ARB2A: variants seen among roughly 807,000 people sequenced by gnomAD.
ARB2A encodes the protein cotranscriptional regulator ARB2A.
chr5:93,801,655 C>T, the ARB2A span, among the ~76,000 whole-genome samples: 1 of 152,048 alleles, frequency 6.6e-6, no homozygotes, highest in Non-Finnish European at 1.5e-5. Context: ...GGAATGTGCA[C>T]ATGTGAGGGC....
the ARB2A span, among the ~76,000 whole-genome samples, chr5:93,642,955 A>G: frequency 6.6e-6 from 1 of 152,176 alleles, no homozygotes; most frequent in Admixed American, 6.5e-5. Flanking sequence ...CACAACACTA[A>G]AAAGCATATC....
the ARB2A span, among the ~76,000 whole-genome samples, chr5:93,990,824 CA>C: frequency 6.6e-6 from 1 of 151,816 alleles, no homozygotes; most frequent in Non-Finnish European, 1.5e-5. Context: ...AGAAGGAAAA[CA>C]AAGGAGATAA....
chr5:93,777,678 T>A, the ARB2A span, among the ~76,000 whole-genome samples: 1 of 152,166 alleles, frequency 6.6e-6, no homozygotes, highest in Admixed American at 6.5e-5. Context: ...TATTTTTAGA[T>A]GCTTGCTTCC....
the ARB2A span, among the ~76,000 whole-genome samples, chr5:94,046,818 C>T: frequency 2.0e-5 from 3 of 152,158 alleles, no homozygotes; most frequent in African/African-American, 7.2e-5. Flanking sequence ...AAGACAGGTC[C>T]ACAGATGCAT....
chr5:93,695,673 T>C, the ARB2A span, among the ~76,000 whole-genome samples: 1 of 152,134 alleles, frequency 6.6e-6, no homozygotes, highest in Admixed American at 6.5e-5. Context: ...GACCCAGCAA[T>C]CTCATTACTG....
the ARB2A span, among the ~76,000 whole-genome samples, chr5:93,776,912 C>A: frequency 6.6e-6 from 1 of 151,872 alleles, no homozygotes; most frequent in African/African-American, 2.4e-5. Context: ...AAAAAGTATC[C>A]ATTTTTGACT....
chr5:93,644,693 A>G, the ARB2A span, among the ~76,000 whole-genome samples: 1 of 152,192 alleles, frequency 6.6e-6, no homozygotes, highest in South Asian at 2.1e-4. Flanking sequence ...TTTTAGAGAC[A>G]GAGAAAACCT....
chr5:93,852,633 T>A, the ARB2A span, among the ~76,000 whole-genome samples: 38 of 151,916 alleles, frequency 2.5e-4, no homozygotes, highest in East Asian at 2.5e-3. Flanking sequence ...ATTTTTGTAT[T>A]AGGTGTAAGG....
At chr5:94,003,219 A>G in the ARB2A span, among the ~76,000 whole-genome samples, 1 of 152,166 alleles carries the variant, frequency 6.6e-6, no homozygotes, top group Non-Finnish European at 1.5e-5. Context: ...AATTTGATAG[A>G]GTATCAACAA....
At chr5:93,779,090 AGT>A in the ARB2A span, among the ~76,000 whole-genome samples, 2,104 of 143,354 alleles carry the variant, frequency 0.015, 30 homozygotes, top group East Asian at 0.049. Context: ...GTCATTTCAG[AGT>A]GTGTGTGTGT....
At chr5:93,820,722 C>T in the ARB2A span, among the ~76,000 whole-genome samples, 2 of 152,090 alleles carry the variant, frequency 1.3e-5, no homozygotes, top group Non-Finnish European at 2.9e-5. Flanking sequence ...AGATATATTA[C>T]TTTTAAAAGT....
chr5:93,899,139 T>C, the ARB2A span, among the ~76,000 whole-genome samples: 1 of 152,062 alleles, frequency 6.6e-6, no homozygotes, highest in African/African-American at 2.4e-5. Context: ...CCATAGCACA[T>C]ATATATAGAT....
At chr5:93,821,881 C>A in the ARB2A span, among the ~76,000 whole-genome samples, 38 of 147,998 alleles carry the variant, frequency 2.6e-4, no homozygotes, top group African/African-American at 8.9e-4. Context: ...TACATACCCC[C>A]AAATCAAAGT....
At chr5:93,968,253 CAG>C in the ARB2A span, among the ~76,000 whole-genome samples, 1 of 152,026 alleles carries the variant, frequency 6.6e-6, no homozygotes, top group Non-Finnish European at 1.5e-5. Flanking sequence ...TCAGATATAG[CAG>C]AGATAGTGGA....
the ARB2A span, among the ~76,000 whole-genome samples, chr5:93,719,199 T>C: frequency 6.6e-6 from 1 of 152,242 alleles, no homozygotes; most frequent in African/African-American, 2.4e-5. Flanking sequence ...TCCTGAGTTT[T>C]CTACCATGGC....
At chr5:93,843,440 GA>G in the ARB2A span, among the ~76,000 whole-genome samples, 3 of 45,496 alleles carry the variant, frequency 6.6e-5, no homozygotes, top group Admixed American at 7.4e-4. Flanking sequence ...TTTTTTTTTT[GA>G]GACAGGGTCT....
the ARB2A span, among the ~76,000 whole-genome samples, chr5:93,753,262 G>A: frequency 6.6e-6 from 1 of 152,152 alleles, no homozygotes; most frequent in Admixed American, 6.5e-5. Context: ...ATCTTTAGAA[G>A]GAAGTGATTA....
At chr5:93,858,089 A>G in the ARB2A span, among the ~76,000 whole-genome samples, 2 of 152,222 alleles carry the variant, frequency 1.3e-5, no homozygotes, top group African/African-American at 2.4e-5. Flanking sequence ...TCCAGAGGAA[A>G]CAAGGTACAA....
the ARB2A span, among the ~76,000 whole-genome samples, chr5:93,655,050 A>C: frequency 1.3e-5 from 2 of 152,324 alleles, no homozygotes; most frequent in South Asian, 4.1e-4. Context: ...TTGATTCTGC[A>C]CAAATCACCT....
Sources: gnomAD v4.1 joint callset for allele counts (sites outside exome capture counted in the v4.1 genomes callset) on GRCh38, gnomAD v4.1.1 for gene constraint, MANE v1.5 for transcripts, NCBI Gene and HGNC (gene_info 2026-07-23, HGNC 2026-07-21) for gene names.